The following ODAD4 variants were observed in gnomAD, a reference collection of about 807,000 sequenced individuals.
ODAD4 encodes the protein outer dynein arm-docking complex subunit 4.
ODAD4 carries 49 observed loss-of-function variants against 51.8 expected under a neutral mutation model. The observed-to-expected ratio is 0.95, with a 90% confidence interval of 0.75 to 1.20. The LOEUF (loss-of-function observed/expected upper bound fraction) is 1.20, where lower values mean the gene tolerates loss of function less well. Among genes scored for constraint, ODAD4 ranks in the 50% most tolerant of loss-of-function variants. The probability of loss-of-function intolerance (pLI) is 0.00; values close to 1 mark genes in which losing one functional copy is unlikely to be tolerated. For missense variants in ODAD4, 590 were observed against 586.5 expected (o/e 1.01, Z -0.06); for synonymous variants, 235 against 221.3 (o/e 1.06, Z -0.55).
At position 41,938,893 on chromosome 17, in the gene ODAD4, C is replaced by G; in HGVS notation, c.851-72C>G. ...CTCTCAGACCTGCAGATGGTGTCTG[C>G]AGGAAGAGGAGTTACCCTGTCAGCT... On this transcript the variant is annotated intron_variant, in intron 6 of 11. Transcript: ENST00000377540. The G allele has an allele frequency of 7.0e-6, 11 of 1,575,584 alleles. No homozygotes were observed. The South Asian group carries it at 1.1e-4, about 16-fold the overall frequency.
intron 11 of ODAD4, among the ~76,000 whole-genome samples, chr17:41,962,230 G>A (rs782182752): frequency 2.6e-5 from 4 of 152,158 alleles, no homozygotes; most frequent in African/African-American, 4.8e-5. Context: ...AGCTAGGGAG[G>A]GGTGACTCGG....
chr17:41,936,741 G>A (rs782789159), intron 4 of ODAD4, 21 bp from the exon 5 acceptor site: 14 of 1,613,358 alleles, frequency 8.7e-6, no homozygotes, highest in Non-Finnish European at 1.1e-5. Flanking sequence ...AGCTCTGTTG[G>A]GTGTTGCTCC....
chr17:41,947,212 G>A lies in ODAD4; in HGVS notation c.1146-1941G>A, dbSNP rs1020993281. On this transcript the variant is annotated intron_variant, in intron 8 of 11. Coordinates refer to ENST00000377540, the MANE Select transcript of ODAD4 (RefSeq NM_031421.5). ...GGCCAGGCCGGGCGCGGTGGCTCAC[G>A]CCTGTAATCCCAGCACTTTGGGAGG... 4.7e-5 allele frequency among the ~76,000 whole-genome samples: 7 copies of A among 150,040 alleles called. No individual in the cohort carries two copies. The South Asian group carries it at 6.6e-4, about 14-fold the overall frequency.
chr17:41,964,574 C>A (rs1555642214), intron 11 of ODAD4, among the ~76,000 whole-genome samples: 1 of 152,200 alleles, frequency 6.6e-6, no homozygotes, highest in South Asian at 2.1e-4. Flanking sequence ...AACAGTCATT[C>A]TCAGGGCCTT....
intron 10 of ODAD4, among the ~76,000 whole-genome samples, chr17:41,958,746 C>T (rs2033675): frequency 0.67 from 101,977 of 151,488 alleles, 35,760 homozygotes; most frequent in East Asian, 0.83. Flanking sequence ...CATGTGAGGC[C>T]GGGTGCGGTG....
At chr17:41,944,421 CACACACACACACACACACA>C (rs2050551342) in intron 7 of ODAD4, among the ~76,000 whole-genome samples, 1 of 14,266 alleles carries the variant, frequency 7.0e-5, no homozygotes, top group African/African-American at 1.3e-4. Flanking sequence ...CACACACACA[CACACACACACACACACACA>C]CACACCCCCC....
At chr17:41,964,746 C>A (rs374928197) in intron 11 of ODAD4, among the ~76,000 whole-genome samples, 1 of 152,068 alleles carries the variant, frequency 6.6e-6, no homozygotes, top group African/African-American at 2.4e-5. Flanking sequence ...TGGGCTCAAG[C>A]GATTCTTCTG....
chr17:41,930,620 G>C lies in ODAD4; in HGVS notation c.-104G>C. 1.3e-6 allele frequency: 1 copy of C among 755,952 alleles called. No individual in the cohort carries two copies. Among genetic ancestry groups the C allele is most frequent in the South Asian group, 1.6e-5 (1 of 61,536 alleles). The allele number at this position is 755,952 out of a possible 1,614,324, so 46.8% of individuals were successfully genotyped here. On this transcript the variant is annotated 5_prime_UTR_variant, in exon 1 of 12. Coordinates refer to ENST00000377540, the MANE Select transcript of ODAD4 (RefSeq NM_031421.5). ...GACGGGGGCGGAACCGGAAGTCGCTGTACATCTCATGGTTGCTAAGAAACG... is the reference window on the plus strand; with the variant it reads ...GACGGGGGCGGAACCGGAAGTCGCTCTACATCTCATGGTTGCTAAGAAACG...
rs79597523 is a variant in ODAD4 at position 41,961,908 on chromosome 17, G to A, written c.1528+442G>A. ...GCCATGAGGGTGCATGCAACGGGGCGTGGGCTCCTCTGGGGAGGCAGAGGA... is the reference window on the plus strand; with the variant it reads ...GCCATGAGGGTGCATGCAACGGGGCATGGGCTCCTCTGGGGAGGCAGAGGA... On this transcript the variant is annotated intron_variant, in intron 11 of 11. Transcript: ENST00000377540. Among the ~76,000 whole-genome samples the A allele has an allele frequency of 2.6e-5, 4 of 152,148 alleles. No homozygotes were observed. In the East Asian group the frequency reaches 5.8e-4, roughly 22 times the overall value.
At chr17:41,936,435 G>C in intron 3 of ODAD4, 38 bp from the exon 4 acceptor site, 1 of 1,496,462 alleles carries the variant, frequency 6.7e-7, no homozygotes, top group Non-Finnish European at 9.3e-7. Flanking sequence ...ATGCCTGGGG[G>C]GTCTGGCCGA....
At position 41,954,618 on chromosome 17, in the gene ODAD4, G is replaced by A. The variant is rs568357974; in HGVS notation, c.1343-599G>A. On this transcript the variant is annotated intron_variant, in intron 9 of 11. Coordinates refer to ENST00000377540, the MANE Select transcript of ODAD4 (RefSeq NM_031421.5). ...TGTAATCCCAGCACTTTGGGAGGCC[G>A]AGGCAGGTGGATCACCTGAGGTCAG... Among the ~76,000 whole-genome samples the A allele has an allele frequency of 3.9e-5, 6 of 152,136 alleles. No homozygotes were observed. The South Asian group carries it at 1.0e-3, about 26-fold the overall frequency.
chr17:41,945,556 C>T (rs1033061100), intron 8 of ODAD4, among the ~76,000 whole-genome samples: 1 of 152,078 alleles, frequency 6.6e-6, no homozygotes, highest in East Asian at 1.9e-4. Flanking sequence ...GCAGCAACCT[C>T]AATTCTTGCC....
At chr17:41,954,665 A>G (rs751102734) in intron 9 of ODAD4, among the ~76,000 whole-genome samples, 2 of 152,016 alleles carry the variant, frequency 1.3e-5, no homozygotes, top group Non-Finnish European at 2.9e-5. Flanking sequence ...AGCCTGACCA[A>G]CATGACGAAA....
rs549565138 is a variant in ODAD4, at chr17:41,946,848, T to G, written c.1145+1626T>G. Among the ~76,000 whole-genome samples the G allele has an allele frequency of 3.3e-5, 5 of 150,364 alleles. No homozygotes were observed. The South Asian group carries it at 1.1e-3, about 32-fold the overall frequency. On this transcript the variant is annotated intron_variant, in intron 8 of 11. Coordinates refer to ENST00000377540, the MANE Select transcript of ODAD4 (RefSeq NM_031421.5). ...TGTGTGCCACCATGTCCGGCTAATTTTTCTTTTCTTTTTTTTTTTTGAGAC... is the reference window on the plus strand; with the variant it reads ...TGTGTGCCACCATGTCCGGCTAATTGTTCTTTTCTTTTTTTTTTTTGAGAC...
intron 1 of ODAD4, among the ~76,000 whole-genome samples, chr17:41,931,491 T>C (rs1320051183): frequency 6.6e-6 from 1 of 152,194 alleles, no homozygotes; most frequent in Non-Finnish European, 1.5e-5. Flanking sequence ...GAAGCCTCAA[T>C]GTCCCCAGCA....
chr17:41,953,986 TTTAA>T (rs1471934341), intron 9 of ODAD4, among the ~76,000 whole-genome samples: 3 of 151,334 alleles, frequency 2.0e-5, no homozygotes, highest in Admixed American at 6.6e-5. Context: ...TGTATTTATT[TTTAA>T]TTAATTAATT....
intron 9 of ODAD4, among the ~76,000 whole-genome samples, chr17:41,954,323 C>G (rs1555640693): frequency 6.6e-6 from 1 of 151,984 alleles, no homozygotes; most frequent in African/African-American, 2.4e-5. Context: ...TGAAATGAAG[C>G]TCTGAGGGCT....
Position 41,951,090 on chromosome 17 carries a change from C to CTT in ODAD4, c.1342+1752_1342+1753dup, listed in dbSNP as rs1357997882. ...ACTGTACAACTCTGTAAATTTTCTT[C>CTT]TTTTTTTTTTTTGAGATGGAGTCTT... On this transcript the variant is annotated intron_variant, in intron 9 of 11. Coordinates refer to ENST00000377540, the MANE Select transcript of ODAD4 (RefSeq NM_031421.5). Among the ~76,000 whole-genome samples, 143 of 145,636 alleles carry CTT rather than the reference C, an allele frequency of 9.8e-4. 1 individual carries two copies. The highest frequency in any genetic ancestry group is 3.5e-3 in the Middle Eastern group (1 of 288).
chr17:41,961,601 T>A, intron 11 of ODAD4, 135 bp downstream of exon 11: 1 of 647,984 alleles, frequency 1.5e-6, no homozygotes, highest in Non-Finnish European at 2.8e-6. Flanking sequence ...CTAATTTCAG[T>A]GCCACCAGCA....
Sources: allele counts gnomAD v4.1 joint callset (sites outside exome capture counted in the v4.1 genomes callset), GRCh38; gene constraint gnomAD v4.1.1; transcripts MANE v1.5; gene names NCBI Gene and HGNC (gene_info 2026-07-23, HGNC 2026-07-21).